Variants in PLSCR4 observed in about 807,000 individuals in gnomAD.
PLSCR4 encodes phospholipid scramblase 4.
A neutral mutation model predicts 36.3 loss-of-function variants in PLSCR4; 25 were observed. The observed-to-expected ratio is 0.69, with a 90% confidence interval of 0.50 to 0.96. PLSCR4 has a LOEUF of 0.96. PLSCR4 is among the 40% of genes least tolerant of loss of function. The pLI, the probability that PLSCR4 is intolerant of heterozygous loss-of-function variation, is 0.00. For synonymous variants in PLSCR4, 122 were observed against 132.9 expected (o/e 0.92, Z 0.56); for missense variants, 408 against 414.7 (o/e 0.98, Z 0.14).
chr3:146,200,243 A>G (rs2033973221), intron 5 of PLSCR4, among the ~76,000 whole-genome samples: 1 of 152,162 alleles, frequency 6.6e-6, no homozygotes, highest in African/African-American at 2.4e-5. Flanking sequence ...ATTTCTTTTA[A>G]GAAGTTCAGT....
intron 1 of PLSCR4, among the ~76,000 whole-genome samples, chr3:146,248,350 A>C (rs1272400015): frequency 6.6e-6 from 1 of 152,220 alleles, no homozygotes; most frequent in South Asian, 2.1e-4. Flanking sequence ...ACACGCATAC[A>C]TTATAGAAAT....
At chr3:146,223,908 TAATA>T in intron 1 of PLSCR4, 1 of 147,370 alleles carries the variant, frequency 6.8e-6, no homozygotes, top group Non-Finnish European at 1.5e-5. Context: ...TTAAATATAT[TAATA>T]TTTAAATATA....
intron 6 of PLSCR4, 87 bp from the exon 7 acceptor site, chr3:146,196,880 C>G: frequency 9.2e-7 from 1 of 1,089,310 alleles, no homozygotes; most frequent in Admixed American, 2.1e-5. Context: ...TAGATGTGTC[C>G]TCACTCATTC....
chr3:146,237,080 A>G (rs2107838007), intron 1 of PLSCR4, among the ~76,000 whole-genome samples: 1 of 152,262 alleles, frequency 6.6e-6, no homozygotes, highest in African/African-American at 2.4e-5. Context: ...TGATCCAACT[A>G]TACGTCATAT....
At chr3:146,247,694 C>T (rs1452775665) in intron 1 of PLSCR4, among the ~76,000 whole-genome samples, 10 of 152,150 alleles carry the variant, frequency 6.6e-5, no homozygotes, top group Middle Eastern at 3.2e-3. Flanking sequence ...ATGATAATGG[C>T]TCACTGCAGC....
intron 1 of PLSCR4, among the ~76,000 whole-genome samples, chr3:146,237,968 A>C (rs962987222): frequency 6.6e-6 from 1 of 151,842 alleles, no homozygotes; most frequent in African/African-American, 2.4e-5. Context: ...AAAAAGAGAA[A>C]AGATTCAAAT....
intron 5 of PLSCR4, 152 bp from the exon 6 acceptor site, chr3:146,200,191 A>G: frequency 1.7e-6 from 1 of 585,956 alleles, no homozygotes; most frequent in East Asian, 2.8e-5. Flanking sequence ...CCCAAAAATC[A>G]TATTATCTAA....
At chr3:146,231,237 A>G (rs1407797313) in intron 1 of PLSCR4, among the ~76,000 whole-genome samples, 1 of 152,198 alleles carries the variant, frequency 6.6e-6, no homozygotes, top group Non-Finnish European at 1.5e-5. Flanking sequence ...CAAGGAGTAT[A>G]TGTACCATAT....
At chr3:146,248,989 T>C (rs954461324) in intron 1 of PLSCR4, among the ~76,000 whole-genome samples, 2 of 152,168 alleles carry the variant, frequency 1.3e-5, no homozygotes, top group African/African-American at 4.8e-5. Flanking sequence ...GTATTCACTC[T>C]GCTTATTATT....
chr3:146,243,452 A>C (rs1512078), intron 1 of PLSCR4, among the ~76,000 whole-genome samples: 116,685 of 152,044 alleles, frequency 0.77, 45,913 homozygotes, highest in Non-Finnish European at 0.87. Context: ...AACTTTAAGA[A>C]AAGATTATAA....
intron 1 of PLSCR4, among the ~76,000 whole-genome samples, chr3:146,224,870 A>C (rs138193743): frequency 0.013 from 1,914 of 144,434 alleles, 47 homozygotes; most frequent in African/African-American, 0.044. Context: ...CAGAGTATGG[A>C]CACAAAGGTT....
intron 1 of PLSCR4, among the ~76,000 whole-genome samples, chr3:146,237,159 G>C (rs2035952744): frequency 6.6e-6 from 1 of 152,140 alleles, no homozygotes. Context: ...GTTAACCAAA[G>C]AAGAGCTGCA....
chr3:146,239,159 T>C (rs920784375), intron 1 of PLSCR4, among the ~76,000 whole-genome samples: 5 of 152,170 alleles, frequency 3.3e-5, no homozygotes, highest in Non-Finnish European at 7.3e-5. Flanking sequence ...ACTCCCCAAA[T>C]TTATCTACAG....
intron 1 of PLSCR4, among the ~76,000 whole-genome samples, chr3:146,242,108 C>T (rs1003931888): frequency 3.9e-5 from 6 of 152,114 alleles, no homozygotes; most frequent in South Asian, 2.1e-4. Flanking sequence ...CACACCATGA[C>T]CAAATAAAGC....
chr3:146,247,296 C>T (rs982611241), intron 1 of PLSCR4, among the ~76,000 whole-genome samples: 1 of 152,046 alleles, frequency 6.6e-6, no homozygotes, highest in Non-Finnish European at 1.5e-5. Context: ...TACTATCAAA[C>T]TGCACTCTAA....
At chr3:146,212,134 T>G (rs564262960) in intron 3 of PLSCR4, among the ~76,000 whole-genome samples, 35 of 152,270 alleles carry the variant, frequency 2.3e-4, no homozygotes, top group Non-Finnish European at 4.1e-4. Context: ...GCATTTCCAT[T>G]TAACAATATT....
intron 6 of PLSCR4, among the ~76,000 whole-genome samples, chr3:146,199,092 TC>T (rs1428170040): frequency 2.6e-5 from 4 of 152,104 alleles, no homozygotes; most frequent in Non-Finnish European, 5.9e-5. Flanking sequence ...ATTTAACAGA[TC>T]ATTTAAGTAT....
At chr3:146,216,047 A>G (rs999184313) in intron 3 of PLSCR4, among the ~76,000 whole-genome samples, 2 of 152,158 alleles carry the variant, frequency 1.3e-5, no homozygotes, top group African/African-American at 4.8e-5. Context: ...CCTGGCCAAC[A>G]TGGTGAAACC....
At position 146,194,375 on chromosome 3, in the gene PLSCR4, C is replaced by CA. The variant is rs769385901; in HGVS notation, c.*35dup. 1.3e-6 allele frequency: 2 copies of CA among 1,517,526 alleles called. No homozygotes were observed. Among genetic ancestry groups the CA allele is most frequent in the Non-Finnish European group, 1.8e-6 (2 of 1,094,356 alleles). 94.0% of individuals were successfully genotyped at this position (1,517,526 alleles called of 1,614,324 possible). On this transcript the variant is annotated 3_prime_UTR_variant, in exon 9 of 9. Coordinates refer to ENST00000354952, the MANE Select transcript of PLSCR4 (RefSeq NM_020353.3). ...AGCCCAATCCAACTTTTCCATTTTT[C>CA]AAAATTAACCATAGTTGATGGCTTG...
Sources: gnomAD v4.1 joint callset for allele counts (sites outside exome capture counted in the v4.1 genomes callset) on GRCh38, gnomAD v4.1.1 for gene constraint, MANE v1.5 for transcripts, NCBI Gene and HGNC (gene_info 2026-07-23, HGNC 2026-07-21) for gene names.